The following MYO1E variants were observed in gnomAD, a reference collection of about 807,000 sequenced individuals.
The protein encoded by MYO1E is myosin IE, also known as unconventional myosin-Ie.
In MYO1E, 68 loss-of-function variants were observed where a neutral mutation model predicts 151.1. The observed-to-expected ratio is 0.45, with a 90% CI of 0.37 to 0.55. The LOEUF (loss-of-function observed/expected upper bound fraction) is 0.55. MYO1E is among the 20% of genes least tolerant of loss of function. The pLI is 0.00. For missense variants in MYO1E, 1,363 were observed against 1,389.3 expected (o/e 0.98, Z 0.30); for synonymous variants, 601 against 501.7 (o/e 1.20, Z -2.64).
At chr15:59,258,319 T>A (rs1361167540) in intron 3 of MYO1E, among the ~76,000 whole-genome samples, 1 of 152,072 alleles carries the variant, frequency 6.6e-6, no homozygotes, top group Non-Finnish European at 1.5e-5. Context: ...TGCACTCCAG[T>A]CTGGTGAAGA....
chr15:59,299,128 A>G (rs982088290), intron 1 of MYO1E, among the ~76,000 whole-genome samples: 2 of 152,230 alleles, frequency 1.3e-5, no homozygotes, highest in East Asian at 1.9e-4. Context: ...CCTGGAGTCC[A>G]TTTCTTAAAG....
At chr15:59,196,764 T>A (rs766096740) in intron 16 of MYO1E, among the ~76,000 whole-genome samples, 1 of 152,140 alleles carries the variant, frequency 6.6e-6, no homozygotes, top group Non-Finnish European at 1.5e-5. Context: ...GGTTGCATGA[T>A]CAAAGCAAAG....
chr15:59,231,930 T>C (rs374969607), intron 5 of MYO1E, 139 bp from the exon 6 acceptor site: 23 of 744,542 alleles, frequency 3.1e-5, no homozygotes, highest in Non-Finnish European at 1.2e-5. Flanking sequence ...GTGGGGTTTC[T>C]GGAGGATTTA....
chr15:59,231,943 C>A (rs1358371234), intron 5 of MYO1E, 152 bp from the exon 6 acceptor site: 5 of 709,044 alleles, frequency 7.1e-6, no homozygotes, highest in Non-Finnish European at 1.2e-5. Context: ...AGGATTTATT[C>A]TTTCACCATG....
intron 3 of MYO1E, among the ~76,000 whole-genome samples, chr15:59,257,954 C>T (rs1318347998): frequency 6.6e-6 from 1 of 152,124 alleles, no homozygotes; most frequent in African/African-American, 2.4e-5. Flanking sequence ...AAGAATGCTT[C>T]GTGAATAAGG....
chr15:59,251,282 A>T (rs968159062), intron 4 of MYO1E, among the ~76,000 whole-genome samples: 1 of 152,212 alleles, frequency 6.6e-6, no homozygotes, highest in East Asian at 1.9e-4. Context: ...AGAAAATCCA[A>T]CTGAAGGAAT....
chr15:59,144,367 A>C (rs1191766340), intron 26 of MYO1E, among the ~76,000 whole-genome samples: 2 of 151,880 alleles, frequency 1.3e-5, no homozygotes, highest in African/African-American at 4.8e-5. Flanking sequence ...GGGTTTCACT[A>C]TGTTGGCTAG....
chr15:59,136,551 T>C lies in MYO1E; in HGVS notation c.*829A>G, dbSNP rs988030077. The stretch of plus-strand genomic sequence containing the variant: ...TTTGTAAGAAAACCTACCTTATGAA[T>C]GAGTACAGTGGAATACTACTTAGTA... On this transcript the variant is annotated 3_prime_UTR_variant, in exon 28 of 28. Transcript: ENST00000288235. The C allele has an allele frequency of 9.0e-6, 3 of 334,770 alleles. No individual in the cohort carries two copies. Among genetic ancestry groups the C allele is most frequent in the African/African-American group, 6.4e-5 (3 of 46,630 alleles). 20.7% of individuals were successfully genotyped at this position (334,770 alleles called of 1,614,324 possible).
intron 17 of MYO1E, among the ~76,000 whole-genome samples, chr15:59,191,981 A>G (rs563083648): frequency 6.6e-6 from 1 of 152,348 alleles, no homozygotes; most frequent in East Asian, 1.9e-4. Flanking sequence ...CGCATTTGCA[A>G]CAGGAAAAGA....
intron 1 of MYO1E, among the ~76,000 whole-genome samples, chr15:59,340,585 T>A (rs2080759251): frequency 6.6e-6 from 1 of 152,254 alleles, no homozygotes; most frequent in African/African-American, 2.4e-5. Flanking sequence ...TGTTTACAAT[T>A]GCCTTTGCAA....
At chr15:59,208,887 T>C in intron 13 of MYO1E, 39 bp from the exon 14 acceptor site, 1 of 1,611,920 alleles carries the variant, frequency 6.2e-7, no homozygotes, top group Non-Finnish European at 8.5e-7. Flanking sequence ...GTCACTGACC[T>C]CTCCAAAACA....
At chr15:59,206,868 C>A in intron 14 of MYO1E, 1 of 1,477,280 alleles carries the variant, frequency 6.8e-7, no homozygotes, top group Non-Finnish European at 9.1e-7. Flanking sequence ...CTGCCAACGG[C>A]TCTCTTGGCG....
At chr15:59,188,088 T>TA in intron 18 of MYO1E, 30 bp downstream of exon 18, 1 of 1,526,544 alleles carries the variant, frequency 6.6e-7, no homozygotes. Context: ...AAACCTGTTT[T>TA]AAAAAAGGCC....
intron 9 of MYO1E, 41 bp from the exon 10 acceptor site, chr15:59,218,128 G>T (rs768690702): frequency 6.2e-7 from 1 of 1,606,778 alleles, no homozygotes; most frequent in Admixed American, 1.7e-5. Context: ...TTTCAGAATT[G>T]TGACACTTCC....
chr15:59,338,438 T>C (rs557451204), intron 1 of MYO1E, among the ~76,000 whole-genome samples: 1 of 152,168 alleles, frequency 6.6e-6, no homozygotes, highest in Non-Finnish European at 1.5e-5. Context: ...CATGAAGGGA[T>C]ATCACCTGCT....
chr15:59,231,709 C>A lies in MYO1E; in HGVS notation c.503G>T (p.Ser168Ile). ...NAKTVRNNNS[S>I]RFGKYFEIQF... is the part of the protein sequence containing the mutation. ...AACAGGGAAGGGACTTACAAATCGG[C>A]TGGAGTTGTTGTTCCGGACGGTCTT... The change falls in exon 6 of 28, where the codon AGC (serine) becomes ATC (isoleucine). Residue 168 changes from serine (S) to isoleucine (I), a missense_variant. Ser to Ile is a moderately radical substitution (Grantham distance 142). Transcript: ENST00000288235. 3 of 1,614,092 alleles carry A rather than the reference C, an allele frequency of 1.9e-6. No individual in the cohort carries two copies. The highest frequency in any genetic ancestry group is 2.5e-6 in the Non-Finnish European group (3 of 1,179,948).
chr15:59,336,076 T>TA (rs1219256576), intron 1 of MYO1E, among the ~76,000 whole-genome samples: 21 of 150,058 alleles, frequency 1.4e-4, no homozygotes, highest in African/African-American at 3.2e-4. Context: ...TTTCTGGAAT[T>TA]AAAAAAAAAC....
intron 22 of MYO1E, among the ~76,000 whole-genome samples, chr15:59,164,697 GC>G (rs1446230204): frequency 1.3e-5 from 2 of 152,164 alleles, no homozygotes; most frequent in Non-Finnish European, 2.9e-5. Context: ...TAGGGGTTGG[GC>G]CCTTCTTGGA....
chr15:59,367,780 A>T (rs1436298526), intron 1 of MYO1E, among the ~76,000 whole-genome samples: 3 of 152,308 alleles, frequency 2.0e-5, no homozygotes, highest in Middle Eastern at 6.8e-3. Flanking sequence ...CAAACAGCTA[A>T]TCTGCAGCTG....
Sources: allele counts gnomAD v4.1 joint callset (sites outside exome capture counted in the v4.1 genomes callset), GRCh38; gene constraint gnomAD v4.1.1; transcripts MANE v1.5; gene names NCBI Gene and HGNC (gene_info 2026-07-23, HGNC 2026-07-21).